Variants in CDC20B observed in about 807,000 individuals in gnomAD.
The protein encoded by CDC20B is cell division cycle 20B.
CDC20B carries 58 observed loss-of-function variants against 64.1 expected under a neutral mutation model. The ratio of observed to expected loss-of-function variants is 0.90; its 90% CI spans 0.73 to 1.13. The LOEUF is 1.13. Among genes scored for constraint, CDC20B ranks in the 50% most tolerant of loss-of-function variants. The pLI is 0.00. For synonymous variants in CDC20B, 243 were observed against 230.6 expected, an observed-to-expected ratio of 1.05 and a Z score of -0.49; for missense variants, 597 against 633.0, an observed-to-expected ratio of 0.94 and a Z score of 0.61.
intron 6 of CDC20B, 127 bp from the exon 7 acceptor site, chr5:55,128,744 T>A (rs1176214473): frequency 1.6e-5 from 10 of 642,298 alleles, no homozygotes; most frequent in Non-Finnish European, 2.1e-5. Context: ...AATGGAAACA[T>A]GGAACCATGA....
intron 6 of CDC20B, among the ~76,000 whole-genome samples, chr5:55,130,084 T>C (rs1356386418): frequency 6.6e-6 from 1 of 152,174 alleles, no homozygotes; most frequent in East Asian, 1.9e-4. Flanking sequence ...AATGAAAATT[T>C]ATATGAAACT....
chr5:55,139,738 A>G (rs939711917), intron 5 of CDC20B, among the ~76,000 whole-genome samples: 1 of 152,168 alleles, frequency 6.6e-6, no homozygotes, highest in Non-Finnish European at 1.5e-5. Flanking sequence ...TGAGGCAGGA[A>G]GAGAACTAAA....
At chr5:55,143,685 A>G in intron 3 of CDC20B, 42 bp from the exon 4 acceptor site, 1 of 1,541,908 alleles carries the variant, frequency 6.5e-7, no homozygotes, top group Non-Finnish European at 8.8e-7. Context: ...TTTTTAAAAC[A>G]AGATAATCAC....
At position 55,143,507 on chromosome 5, in the gene CDC20B, A is replaced by T; in HGVS notation, c.486+6T>A. On this transcript the variant is annotated splice_donor_region_variant and intron_variant, in intron 4 of 11. Coordinates refer to ENST00000381375, the MANE Select transcript of CDC20B (RefSeq NM_001170402.1). ...TGGGATCTTCAGTTTTTTTCTCTTT[A>T]CCTACCTGCCCTTTTGAGGCAACAC... is the stretch of plus-strand genomic sequence containing the variant. 6.3e-7 allele frequency: 1 copy of T among 1,581,276 alleles called. No individual in the cohort carries two copies.
intron 1 of CDC20B, 77 bp from the exon 2 acceptor site, chr5:55,172,727 A>C: frequency 2.0e-6 from 2 of 978,052 alleles, no homozygotes; most frequent in Non-Finnish European, 3.1e-6. Flanking sequence ...ATTTTTCTAG[A>C]TCTTGTGCTT....
intron 4 of CDC20B, among the ~76,000 whole-genome samples, chr5:55,143,310 C>A (rs140959552): frequency 6.6e-6 from 1 of 152,222 alleles, no homozygotes; most frequent in African/African-American, 2.4e-5. Context: ...CCCAACTCAA[C>A]ATTTTCTCAT....
At chr5:55,145,846 C>T (rs915079229) in intron 3 of CDC20B, among the ~76,000 whole-genome samples, 10 of 151,580 alleles carry the variant, frequency 6.6e-5, no homozygotes, top group African/African-American at 2.4e-4. Flanking sequence ...CTTTCTCTTC[C>T]TCTCATTCTC....
intron 2 of CDC20B, among the ~76,000 whole-genome samples, chr5:55,154,086 G>A (rs2111910662): frequency 6.6e-6 from 1 of 152,280 alleles, no homozygotes; most frequent in East Asian, 1.9e-4. Context: ...AAGGGAGATG[G>A]ACAAGTCAGG....
chr5:55,127,043 A>G (rs1742909660), intron 8 of CDC20B, among the ~76,000 whole-genome samples: 1 of 152,228 alleles, frequency 6.6e-6, no homozygotes, highest in Non-Finnish European at 1.5e-5. Context: ...CATCCCATGC[A>G]GAAGGCACAC....
At chr5:55,149,002 C>T (rs1049894247) in intron 2 of CDC20B, among the ~76,000 whole-genome samples, 3 of 152,318 alleles carry the variant, frequency 2.0e-5, no homozygotes, top group African/African-American at 7.2e-5. Flanking sequence ...AGGGTGTGTA[C>T]TGCATTTTAC....
chr5:55,141,734 C>A (rs909291898), intron 4 of CDC20B, among the ~76,000 whole-genome samples: 1 of 152,084 alleles, frequency 6.6e-6, no homozygotes, highest in African/African-American at 2.4e-5. Context: ...GTCAATGAAT[C>A]GTGGTTTTTA....
intron 2 of CDC20B, among the ~76,000 whole-genome samples, chr5:55,168,825 G>T (rs1744498437): frequency 6.6e-6 from 1 of 152,130 alleles, no homozygotes. Context: ...ACTCCAGAAG[G>T]GGTAGAAGGA....
intron 2 of CDC20B, among the ~76,000 whole-genome samples, chr5:55,169,530 T>C (rs1744520076): frequency 6.6e-6 from 1 of 152,226 alleles, no homozygotes; most frequent in African/African-American, 2.4e-5. Flanking sequence ...TTTAAGGTCA[T>C]ATTGTATGGT....
At chr5:55,141,488 G>A (rs1364960957) in intron 4 of CDC20B, among the ~76,000 whole-genome samples, 1 of 152,164 alleles carries the variant, frequency 6.6e-6, no homozygotes, top group Non-Finnish European at 1.5e-5. Flanking sequence ...ATAGTGGTGA[G>A]CTTCTCTATG....
chr5:55,139,863 A>G (rs1422806494), intron 5 of CDC20B, among the ~76,000 whole-genome samples: 2 of 151,990 alleles, frequency 1.3e-5, no homozygotes, highest in African/African-American at 2.4e-5. Context: ...CAACTCTACT[A>G]AAAATACAAA....
intron 2 of CDC20B, among the ~76,000 whole-genome samples, chr5:55,169,779 T>C (rs563549068): frequency 6.6e-6 from 1 of 152,278 alleles, no homozygotes; most frequent in African/African-American, 2.4e-5. Context: ...ACACACACAG[T>C]CATGGCTATA....
rs546751975 is a variant in CDC20B, at chr5:55,162,174, T to C, written c.126+10414A>G. Among the ~76,000 whole-genome samples, 12 of 148,726 alleles carry C rather than the reference T, an allele frequency of 8.1e-5. No individual in the cohort carries two copies. The East Asian group carries it at 2.2e-3, about 28-fold the overall frequency. On this transcript the variant is annotated intron_variant, in intron 2 of 11. Transcript: ENST00000381375. ...ACTTTAGGAGGCCGAGGCAGGCAGATCACTTAAGGTCAGGAGTTAGAGACT... is the reference window on the plus strand; with the variant it reads ...ACTTTAGGAGGCCGAGGCAGGCAGACCACTTAAGGTCAGGAGTTAGAGACT...
intron 2 of CDC20B, among the ~76,000 whole-genome samples, chr5:55,159,079 C>T (rs990399999): frequency 1.5e-4 from 23 of 152,144 alleles, no homozygotes; most frequent in Non-Finnish European, 3.2e-4. Flanking sequence ...CTGCAGTCTA[C>T]AAACACGACT....
chr5:55,116,462 A>G (rs553666042), intron 11 of CDC20B, among the ~76,000 whole-genome samples: 133 of 151,166 alleles, frequency 8.8e-4, no homozygotes, highest in African/African-American at 3.2e-3. Flanking sequence ...TTATTTATTT[A>G]TTTTGAGACA....
Sources: gnomAD v4.1 joint callset for allele counts (sites outside exome capture counted in the v4.1 genomes callset) on GRCh38, gnomAD v4.1.1 for gene constraint, MANE v1.5 for transcripts, NCBI Gene and HGNC (gene_info 2026-07-23, HGNC 2026-07-21) for gene names.